Variants in NBEA observed in about 807,000 individuals in gnomAD.
NBEA encodes lysosomal-trafficking regulator 2.
A neutral mutation model predicts 343.4 loss-of-function variants in NBEA; 44 were observed. The ratio of observed to expected loss-of-function variants is 0.13; its 90% CI spans 0.10 to 0.16. The LOEUF (loss-of-function observed/expected upper bound fraction) is 0.16, where lower values mean the gene tolerates loss of function less well. Among genes scored for constraint, NBEA ranks in the 10% least tolerant of loss-of-function variants. NBEA has a pLI of 1.00. For synonymous variants in NBEA, 1,175 were observed against 1,238.7 expected, an observed-to-expected ratio of 0.95 and a Z score of 1.08; for missense variants, 2,555 against 3,631.3, an observed-to-expected ratio of 0.70 and a Z score of 7.62.
chr13:35,059,436 G>A (rs1425129951), intron 8 of NBEA, among the ~76,000 whole-genome samples: 3 of 151,758 alleles, frequency 2.0e-5, no homozygotes, highest in African/African-American at 4.8e-5. Context: ...AAGATAGAGC[G>A]TGCACATATA....
intron 37 of NBEA, among the ~76,000 whole-genome samples, chr13:35,350,187 A>C (rs1365369895): frequency 6.6e-6 from 1 of 152,166 alleles, no homozygotes; most frequent in Non-Finnish European, 1.5e-5. Flanking sequence ...ATAATTTGTG[A>C]GGATATAAGC....
chr13:35,512,378 T>C (rs1442154842), intron 41 of NBEA, among the ~76,000 whole-genome samples: 2 of 152,218 alleles, frequency 1.3e-5, no homozygotes, highest in African/African-American at 4.8e-5. Flanking sequence ...TTAAAATCTT[T>C]GGTTGCATGG....
intron 41 of NBEA, among the ~76,000 whole-genome samples, chr13:35,484,943 T>A (rs551052320): frequency 6.6e-6 from 1 of 152,122 alleles, no homozygotes; most frequent in South Asian, 2.1e-4. Flanking sequence ...TTTCTTTTGA[T>A]AAATAGTTTT....
At chr13:35,396,560 C>G (rs956180837) in intron 38 of NBEA, among the ~76,000 whole-genome samples, 1 of 152,062 alleles carries the variant, frequency 6.6e-6, no homozygotes. Context: ...CATATAGATT[C>G]ATTTGTAGCT....
At chr13:35,432,540 T>C (rs2045190018) in intron 39 of NBEA, 147 bp downstream of exon 39, 1 of 683,372 alleles carries the variant, frequency 1.5e-6, no homozygotes, top group African/African-American at 1.9e-5. Context: ...TCCTTCAGCA[T>C]CATTTAGGTT....
intron 1 of NBEA, among the ~76,000 whole-genome samples, chr13:35,020,598 A>C (rs971530392): frequency 1.3e-5 from 2 of 152,200 alleles, no homozygotes; most frequent in Non-Finnish European, 2.9e-5. Flanking sequence ...GCTTTACTGC[A>C]ACGTCTGCCT....
intron 1 of NBEA, among the ~76,000 whole-genome samples, chr13:35,006,295 A>G (rs1050865107): frequency 6.6e-5 from 10 of 151,840 alleles, no homozygotes; most frequent in African/African-American, 2.4e-4. Flanking sequence ...CTATTCTTTT[A>G]GTGGTAACCC....
chr13:35,574,482 C>T (rs1242836774), intron 45 of NBEA, among the ~76,000 whole-genome samples: 2 of 151,922 alleles, frequency 1.3e-5, no homozygotes, highest in African/African-American at 4.8e-5. Flanking sequence ...AAATATCCTG[C>T]ACAATGCTCA....
At chr13:34,956,840 C>T (rs1480876825) in intron 1 of NBEA, among the ~76,000 whole-genome samples, 1 of 152,108 alleles carries the variant, frequency 6.6e-6, no homozygotes, top group Non-Finnish European at 1.5e-5. Context: ...AACTGAAATC[C>T]TGTGCCCATT....
chr13:35,272,932 TAGAC>T (rs2034278890), intron 34 of NBEA, among the ~76,000 whole-genome samples: 1 of 152,126 alleles, frequency 6.6e-6, no homozygotes, highest in African/African-American at 2.4e-5. Context: ...CTGTCAATAT[TAGAC>T]AGATCAATGA....
chr13:35,132,439 C>CTGTACA (rs2152686512), intron 17 of NBEA, among the ~76,000 whole-genome samples: 1 of 152,206 alleles, frequency 6.6e-6, no homozygotes, highest in South Asian at 2.1e-4. Flanking sequence ...GGATTACAGG[C>CTGTACA]GTGAGCCACT....
chr13:35,566,901 C>T lies in NBEA; in HGVS notation c.6923-4C>T, dbSNP rs1296117219. On this transcript the variant is annotated splice_polypyrimidine_tract_variant and splice_region_variant and intron_variant, in intron 44 of 58. Transcript: ENST00000379939. ...AAATTTTTATTTCTGTTTTTCTTTA[C>T]TAGGACGGACATATAATGATCTGAA... The T allele has an allele frequency of 1.3e-6, 2 of 1,531,280 alleles. No homozygotes were observed. The highest frequency in any genetic ancestry group is 1.8e-6 in the Non-Finnish European group (2 of 1,118,912). The allele number at this position is 1,531,280 out of a possible 1,614,324, so 94.9% of individuals were successfully genotyped here.
At chr13:35,468,129 C>T (rs145035259) in intron 40 of NBEA, among the ~76,000 whole-genome samples, 1,593 of 149,612 alleles carry the variant, frequency 0.011, 29 homozygotes, top group African/African-American at 0.038. Context: ...ACTCCCCTCC[C>T]CTGAAAATGA....
chr13:35,624,280 A>G (rs1248635816), intron 48 of NBEA, among the ~76,000 whole-genome samples: 1 of 152,194 alleles, frequency 6.6e-6, no homozygotes, highest in Admixed American at 6.5e-5. Context: ...GTTCTACATC[A>G]TTAATAACCA....
intron 1 of NBEA, among the ~76,000 whole-genome samples, chr13:35,020,446 A>G (rs530137809): frequency 1.7e-3 from 263 of 152,274 alleles, no homozygotes; most frequent in Middle Eastern, 0.01. Context: ...TTAGAAGGCT[A>G]TATTTTCTGC....
At chr13:35,132,464 CTAT>C (rs2067482852) in intron 17 of NBEA, among the ~76,000 whole-genome samples, 1 of 152,066 alleles carries the variant, frequency 6.6e-6, no homozygotes, top group Non-Finnish European at 1.5e-5. Context: ...CCAGCCAGTA[CTAT>C]TATTAATAGT....
chr13:35,537,136 A>G (rs1272540165), intron 41 of NBEA, among the ~76,000 whole-genome samples: 1 of 152,136 alleles, frequency 6.6e-6, no homozygotes, highest in Non-Finnish European at 1.5e-5. Flanking sequence ...TAAAATACAA[A>G]TGGTAAATTT....
chr13:35,156,930 A>G, intron 20 of NBEA, 148 bp from the exon 21 acceptor site: 1 of 491,132 alleles, frequency 2.0e-6, no homozygotes, highest in Non-Finnish European at 3.4e-6. Context: ...CATTCCAAGT[A>G]TAGAATATAT....
intron 38 of NBEA, among the ~76,000 whole-genome samples, chr13:35,374,567 T>C (rs998653222): frequency 4.6e-5 from 7 of 152,170 alleles, no homozygotes; most frequent in African/African-American, 1.7e-4. Context: ...AGGTGTGTTG[T>C]ACCTCATAGG....
Sources: allele counts gnomAD v4.1 joint callset (sites outside exome capture counted in the v4.1 genomes callset), GRCh38; gene constraint gnomAD v4.1.1; transcripts MANE v1.5; gene names NCBI Gene and HGNC (gene_info 2026-07-23, HGNC 2026-07-21).